The following MED12L variants were observed in gnomAD, a reference collection of about 807,000 sequenced individuals.
MED12L encodes the protein mediator of RNA polymerase II transcription subunit 12-like protein.
Under a neutral mutation model 281.3 loss-of-function variants are expected in MED12L, and 60 were observed. The ratio of observed to expected loss-of-function variants is 0.21; its 90% CI spans 0.17 to 0.26. MED12L has a LOEUF of 0.26. Among genes scored for constraint, MED12L ranks in the 10% least tolerant of loss-of-function variants. The probability of loss-of-function intolerance (pLI) is 1.00; values close to 1 mark genes in which losing one functional copy is unlikely to be tolerated. For synonymous variants in MED12L, 974 were observed against 987.2 expected (o/e 0.99, Z 0.25); for missense variants, 2,146 against 2,680.9 (o/e 0.80, Z 4.41).
chr3:151,309,958 C>T (rs764406804), intron 16 of MED12L, among the ~76,000 whole-genome samples: 4 of 151,946 alleles, frequency 2.6e-5, no homozygotes, highest in Non-Finnish European at 5.9e-5. Context: ...GGGGTGGAGA[C>T]AAGAGTAGGA....
intron 11 of MED12L, among the ~76,000 whole-genome samples, chr3:151,179,811 A>G (rs1333994914): frequency 1.3e-5 from 2 of 152,228 alleles, no homozygotes; most frequent in East Asian, 3.8e-4. Flanking sequence ...AATGGAAATA[A>G]AAACAAACCA....
chr3:151,228,665 A>G (rs780622903), intron 16 of MED12L, among the ~76,000 whole-genome samples: 1 of 152,164 alleles, frequency 6.6e-6, no homozygotes, highest in Non-Finnish European at 1.5e-5. Flanking sequence ...AACAGAGTGT[A>G]TGTATGAAGT....
intron 16 of MED12L, among the ~76,000 whole-genome samples, chr3:151,215,803 C>T (rs952284700): frequency 6.6e-6 from 1 of 152,198 alleles, no homozygotes; most frequent in African/African-American, 2.4e-5. Flanking sequence ...TCTTGTTCTG[C>T]CTCCTGCTTC....
At chr3:151,372,383 G>C (rs147938853) in intron 26 of MED12L, among the ~76,000 whole-genome samples, 184 bp from the exon 27 acceptor site, 2 of 152,226 alleles carry the variant, frequency 1.3e-5, no homozygotes, top group South Asian at 2.1e-4. Context: ...ATTTCTGTTA[G>C]AAACTTCTCT....
intron 16 of MED12L, chr3:151,214,373 G>A (rs1436176926): frequency 1.4e-6 from 2 of 1,391,908 alleles, no homozygotes; most frequent in South Asian, 1.3e-5. Flanking sequence ...CACTCATAGG[G>A]CACTTATGGC....
At chr3:151,129,994 C>T in intron 5 of MED12L, among the ~76,000 whole-genome samples, 1 of 151,946 alleles carries the variant, frequency 6.6e-6, no homozygotes, top group Middle Eastern at 3.2e-3. Flanking sequence ...TTTTGGAATG[C>T]CTGGGCTCAA....
chr3:151,289,045 AG>A (rs1743917458), intron 16 of MED12L, among the ~76,000 whole-genome samples: 1 of 152,224 alleles, frequency 6.6e-6, no homozygotes, highest in African/African-American at 2.4e-5. Flanking sequence ...TATTTGAAAG[AG>A]GGTATACCAA....
At chr3:151,311,610 T>C (rs1460072984) in intron 16 of MED12L, among the ~76,000 whole-genome samples, 1 of 152,192 alleles carries the variant, frequency 6.6e-6, no homozygotes, top group Non-Finnish European at 1.5e-5. Flanking sequence ...TTTAAAATGC[T>C]TAGGTGTGAC....
Position 151,434,424 on chromosome 3 carries a change from A to G in MED12L, c.*1620A>G, listed in dbSNP as rs1467988974. ...GTACACTGTGAAAATATTTCACTCC[A>G]GCCTGCCCATTTTGTGTTTACTCTG... On this transcript the variant is annotated 3_prime_UTR_variant, in exon 45 of 45. Coordinates refer to ENST00000687756, the MANE Select transcript of MED12L (RefSeq NM_001393769.1). 6.6e-6 allele frequency: 1 copy of G among 152,208 alleles called. No individual in the cohort carries two copies. The highest frequency in any genetic ancestry group is 2.1e-4 in the South Asian group (1 of 4,836). The allele number at this position is 152,208 out of a possible 1,614,324, so 9.4% of individuals were successfully genotyped here. A position where few individuals can be genotyped will look rare whatever the true frequency, so the allele number is the denominator to read the frequency against.
intron 16 of MED12L, among the ~76,000 whole-genome samples, chr3:151,275,753 T>C (rs1230867941): frequency 6.6e-6 from 1 of 152,238 alleles, no homozygotes; most frequent in Non-Finnish European, 1.5e-5. Flanking sequence ...CTGATTCTCA[T>C]GCTACTTAGG....
At chr3:151,123,837 T>C (rs774914642) in intron 4 of MED12L, among the ~76,000 whole-genome samples, 9 of 152,234 alleles carry the variant, frequency 5.9e-5, no homozygotes, top group Non-Finnish European at 1.0e-4. Flanking sequence ...TCTTTGAAAA[T>C]AGTGTCTGTA....
At chr3:151,239,397 A>T (rs1733615007) in intron 16 of MED12L, among the ~76,000 whole-genome samples, 1 of 152,194 alleles carries the variant, frequency 6.6e-6, no homozygotes, top group African/African-American at 2.4e-5. Flanking sequence ...ATGGGATTGG[A>T]TTTTCTTCAA....
chr3:151,324,185 T>C (rs953953051), intron 16 of MED12L, among the ~76,000 whole-genome samples: 1 of 152,232 alleles, frequency 6.6e-6, no homozygotes, highest in Non-Finnish European at 1.5e-5. Flanking sequence ...CTAGAGAGCC[T>C]AGTAGTATTT....
In MED12L at chr3:151,127,802, T is replaced by A. The variant is rs867034459; in HGVS notation, c.397-23T>A. Reference sequence around the variant, plus strand: ...GAACACAGTACGTGATTATTATAAATATACTATGTTGTTTCTTTTTAGGTT... The same window carrying A: ...GAACACAGTACGTGATTATTATAAAAATACTATGTTGTTTCTTTTTAGGTT... On this transcript the variant is annotated intron_variant, in intron 4 of 44. Transcript: ENST00000687756. The A allele has an allele frequency of 2.0e-6, 3 of 1,510,210 alleles. No individual in the cohort carries two copies. The African/African-American group carries it at 4.2e-5, about 21-fold the overall frequency. 93.6% of individuals were successfully genotyped at this position (1,510,210 alleles called of 1,614,324 possible). A position where few individuals can be genotyped will look rare whatever the true frequency, so the allele number is the denominator to read the frequency against.
intron 2 of MED12L, among the ~76,000 whole-genome samples, chr3:151,106,184 A>G (rs1053286905): frequency 1.6e-4 from 24 of 150,260 alleles, no homozygotes; most frequent in Admixed American, 2.0e-4. Context: ...ACTTCTATTC[A>G]AGTCGGATAA....
chr3:151,158,630 T>G, intron 6 of MED12L, 59 bp from the exon 7 acceptor site: 3 of 1,073,198 alleles, frequency 2.8e-6, no homozygotes, highest in Non-Finnish European at 4.2e-6. Context: ...AGAATGACAG[T>G]GCCTTTTTTG....
chr3:151,123,030 A>T, intron 4 of MED12L, 56 bp downstream of exon 4: 1 of 1,364,532 alleles, frequency 7.3e-7, no homozygotes, highest in Non-Finnish European at 1.0e-6. Flanking sequence ...GCTGTTTGGG[A>T]TAATATTCAA....
intron 16 of MED12L, among the ~76,000 whole-genome samples, chr3:151,321,765 A>G (rs775825431): frequency 1.3e-5 from 2 of 152,128 alleles, no homozygotes; most frequent in Non-Finnish European, 2.9e-5. Context: ...TAAGTCTTAA[A>G]TTTAATTTCC....
chr3:151,287,718 AG>A (rs1743721532), intron 16 of MED12L, among the ~76,000 whole-genome samples: 2 of 152,344 alleles, frequency 1.3e-5, no homozygotes, highest in Admixed American at 1.3e-4. Flanking sequence ...TTTATTAAAA[AG>A]TAAAGCATGT....
Sources: allele counts gnomAD v4.1 joint callset (sites outside exome capture counted in the v4.1 genomes callset), GRCh38; gene constraint gnomAD v4.1.1; transcripts MANE v1.5; gene names NCBI Gene and HGNC (gene_info 2026-07-23, HGNC 2026-07-21).